PREPL: variants seen among roughly 807,000 people sequenced by gnomAD.
PREPL encodes prolyl endopeptidase-like.
Under a neutral mutation model 70.6 loss-of-function variants are expected in PREPL, and 77 were observed. The ratio of observed to expected loss-of-function variants is 1.09; its 90% confidence interval spans 0.91 to 1.32. The LOEUF (loss-of-function observed/expected upper bound fraction) is 1.32, where lower values mean the gene tolerates loss of function less well. PREPL is among the 40% of genes most tolerant of loss of function. The probability of loss-of-function intolerance (pLI) is 0.00; values close to 1 mark genes in which losing one functional copy is unlikely to be tolerated. For missense variants in PREPL, 1,002 were observed against 778.2 expected, an observed-to-expected ratio of 1.29 and a Z score of -3.42; for synonymous variants, 315 against 264.8, an observed-to-expected ratio of 1.19 and a Z score of -1.84.
chr2:44,337,358 T>C lies in PREPL; in HGVS notation c.888+993A>G, dbSNP rs374508052. ...ATGTTTTTGATACTACTTATTCAAA[T>C]CCATGATACACTTAACCTTTATGTA... On this transcript the variant is annotated intron_variant, in intron 7 of 13. Transcript: ENST00000409411. Among the ~76,000 whole-genome samples the C allele has an allele frequency of 3.9e-5, 6 of 152,298 alleles. No individual in the cohort carries two copies. The East Asian group carries it at 1.2e-3, about 29-fold the overall frequency.
chr2:44,337,470 G>C (rs967535924), intron 7 of PREPL, among the ~76,000 whole-genome samples: 2 of 152,126 alleles, frequency 1.3e-5, no homozygotes, highest in African/African-American at 4.8e-5. Flanking sequence ...GCCCGATACA[G>C]TATTGTGCAC....
At position 44,356,607 on chromosome 2, in the gene PREPL, C is replaced by T. The variant is rs991659179; in HGVS notation, c.-49+4773G>A. Among the ~76,000 whole-genome samples, 10 of 152,174 alleles carry T rather than the reference C, an allele frequency of 6.6e-5. No individual in the cohort carries two copies. In the South Asian group the frequency reaches 8.3e-4, roughly 13 times the overall value. ...GCCTCAACCATAGAGATTTTCATTA[C>T]GCAGATGTGGGGTGAGATCCAGGAA... is the stretch of plus-strand genomic sequence containing the variant. On this transcript the variant is annotated intron_variant, in intron 1 of 13. Coordinates refer to ENST00000409411, the MANE Select transcript of PREPL (RefSeq NM_001171613.2).
rs1360979814 is a variant in PREPL at position 44,319,544 on chromosome 2, T to TAGA, written c.*1809_*1811dup. The TAGA allele has an allele frequency of 6.6e-6, 1 of 152,468 alleles. No individual in the cohort carries two copies. The highest frequency in any genetic ancestry group is 1.5e-5 in the Non-Finnish European group (1 of 68,260). The allele number at this position is 152,468 out of a possible 1,614,324, so 9.4% of individuals were successfully genotyped here. On this transcript the variant is annotated 3_prime_UTR_variant, in exon 14 of 14. Coordinates refer to ENST00000409411, the MANE Select transcript of PREPL (RefSeq NM_001171613.2). Reference sequence around the variant, plus strand: ...CAATAACAGAAAATGCTTGAAAGGTTAGAAGTACATCATCAAATTATGTTT... The same window carrying TAGA: ...CAATAACAGAAAATGCTTGAAAGGTTAGAAGAAGTACATCATCAAATTATGTTT...
intron 7 of PREPL, among the ~76,000 whole-genome samples, chr2:44,337,611 A>G (rs1431633963): frequency 6.6e-6 from 1 of 152,178 alleles, no homozygotes; most frequent in Non-Finnish European, 1.5e-5. Context: ...AACTCTTTTC[A>G]TATCAAACAA....
Position 44,318,994 on chromosome 2 carries a change from G to C in PREPL, c.*2362C>G, listed in dbSNP as rs943799975. 5 of 152,200 alleles carry C rather than the reference G, an allele frequency of 3.3e-5. No individual in the cohort carries two copies. The highest frequency in any genetic ancestry group is 1.2e-4 in the African/African-American group (5 of 41,462). 9.4% of individuals were successfully genotyped at this position (152,200 alleles called of 1,614,324 possible). ...GTAGTAACTCAAGTAGACAATAATA[G>C]CTAACACTTACCGGGCACTTCTTAT... On this transcript the variant is annotated 3_prime_UTR_variant, in exon 14 of 14. Coordinates refer to ENST00000409411, the MANE Select transcript of PREPL (RefSeq NM_001171613.2).
rs1673529282 is a variant in PREPL, at chr2:44,326,657, C to A, written c.1479+55G>T. 3.2e-6 allele frequency: 5 copies of A among 1,548,844 alleles called. No individual in the cohort carries two copies. In the Admixed American group the frequency reaches 8.4e-5, roughly 26 times the overall value. On this transcript the variant is annotated intron_variant, in intron 10 of 13. Coordinates refer to ENST00000409411, the MANE Select transcript of PREPL (RefSeq NM_001171613.2). ...CCCAAAAACATTTTTCTTAGAGTAG[C>A]CTATGGCTTCACACCTCCCCCATTC... is the stretch of plus-strand genomic sequence containing the variant.
rs1672887531 is a variant in PREPL at position 44,320,921 on chromosome 2, A to G, written c.*435T>C. 1 of 446,084 alleles carries G rather than the reference A, an allele frequency of 2.2e-6. No individual in the cohort carries two copies. The highest frequency in any genetic ancestry group is 2.5e-5 in the South Asian group (1 of 39,350). The allele number at this position is 446,084 out of a possible 1,614,324, so 27.6% of individuals were successfully genotyped here. On this transcript the variant is annotated 3_prime_UTR_variant, in exon 14 of 14. Coordinates refer to ENST00000409411, the MANE Select transcript of PREPL (RefSeq NM_001171613.2). Reference sequence around the variant, plus strand: ...CCAGATTATTCAAAAACTTTAACGAATTTTAAGGGGAAGAATTTTATCTTT... The same window carrying G: ...CCAGATTATTCAAAAACTTTAACGAGTTTTAAGGGGAAGAATTTTATCTTT...
rs574404474 is a variant in PREPL at position 44,321,434 on chromosome 2, T to C, written c.1839A>G (p.Gln613=). 2 of 1,612,620 alleles carry C rather than the reference T, an allele frequency of 1.2e-6. No homozygotes were observed. The highest frequency in any genetic ancestry group is 3.3e-5 in the Admixed American group (2 of 59,952). The part of the protein sequence containing the change: ...IEDSHKKITA[Q]IKFLYEELGL... ...CAAGTTCCTCGTACAGGAATTTAAT[T>C]TGGGCTGTAATCTAAAAGAAACACA... Residue 613 remains glutamine, a synonymous_variant, in exon 14 of 14, where the codon CAA becomes CAG. Coordinates refer to ENST00000409411, the MANE Select transcript of PREPL (RefSeq NM_001171613.2).
chr2:44,322,586 C>G (rs1673083813), intron 12 of PREPL, 145 bp downstream of exon 12: 1 of 1,064,426 alleles, frequency 9.4e-7, no homozygotes, highest in Non-Finnish European at 1.4e-6. Context: ...TACACTTTAA[C>G]TGGGGAGTCA....
chr2:44,338,110 T>C (rs1558501022), intron 7 of PREPL, among the ~76,000 whole-genome samples: 1 of 152,178 alleles, frequency 6.6e-6, no homozygotes, highest in Non-Finnish European at 1.5e-5. Context: ...CACTCAACTC[T>C]ACTTGTGAAG....
At chr2:44,330,246 TAA>T (rs142098287) in intron 8 of PREPL, among the ~76,000 whole-genome samples, 8,579 of 152,216 alleles carry the variant, frequency 0.056, 272 homozygotes, top group East Asian at 0.1. Context: ...AAGGAAGAGG[TAA>T]AACAGTAGCT....
At chr2:44,336,134 C>CAACA (rs1415157234) in intron 7 of PREPL, among the ~76,000 whole-genome samples, 1 of 152,146 alleles carries the variant, frequency 6.6e-6, no homozygotes, top group Non-Finnish European at 1.5e-5. Context: ...CTGTGGAAAG[C>CAACA]AGTTTGGGAA....
chr2:44,322,006 G>A, intron 12 of PREPL, 106 bp from the exon 13 acceptor site: 2 of 1,203,716 alleles, frequency 1.7e-6, no homozygotes, highest in South Asian at 1.7e-5. Flanking sequence ...TCAAATAATA[G>A]TAAAGGAATA....
chr2:44,353,731 T>G (rs1676703416), intron 1 of PREPL, among the ~76,000 whole-genome samples: 1 of 152,120 alleles, frequency 6.6e-6, no homozygotes, highest in African/African-American at 2.4e-5. Flanking sequence ...TCAGTTGATT[T>G]TCAGAAAGGA....
At chr2:44,357,507 G>C (rs1249936714) in intron 1 of PREPL, among the ~76,000 whole-genome samples, 2 of 152,142 alleles carry the variant, frequency 1.3e-5, no homozygotes, top group Non-Finnish European at 2.9e-5. Context: ...TGTGACAGCA[G>C]GATTACTTTA....
intron 2 of PREPL, among the ~76,000 whole-genome samples, chr2:44,346,030 T>C (rs777243719): frequency 7.9e-5 from 12 of 152,062 alleles, no homozygotes; most frequent in Non-Finnish European, 1.6e-4. Context: ...CCAGAATTAA[T>C]ATATTACAGT....
chr2:44,326,834 G>A lies in PREPL; in HGVS notation c.1357C>T (p.Leu453Phe), dbSNP rs368032108. 7 of 1,614,032 alleles carry A rather than the reference G, an allele frequency of 4.3e-6. No individual in the cohort carries two copies. In the African/African-American group the frequency reaches 8.0e-5, roughly 18 times the overall value. The change falls in exon 10 of 14, where the codon CTT (leucine) becomes TTT (phenylalanine). Residue 453 changes from leucine (L) to phenylalanine (F), a missense_variant. Leu to Phe is a conservative substitution (Grantham distance 22). Transcript: ENST00000409411. ...LADLEACIKT[L>F]HGQGFSQPSL... is the part of the protein sequence containing the mutation. ...GGCTGAGAAAAGCCTTGGCCATGAA[G>A]CGTCTTAATGCAAGCCTCTAAATCA... is the stretch of plus-strand genomic sequence containing the variant.
At chr2:44,351,794 G>A (rs781122365) in intron 1 of PREPL, among the ~76,000 whole-genome samples, 1 of 152,106 alleles carries the variant, frequency 6.6e-6, no homozygotes, top group African/African-American at 2.4e-5. Context: ...CTGCTTCTGC[G>A]CTTGCCTCCT....
intron 13 of PREPL, 32 bp from the exon 14 acceptor site, chr2:44,321,477 A>T: frequency 3.8e-6 from 6 of 1,596,870 alleles, no homozygotes; most frequent in African/African-American, 1.3e-5. Flanking sequence ...AATTAAATAG[A>T]AGGCCTTTGT....
Sources: allele counts gnomAD v4.1 joint callset (sites outside exome capture counted in the v4.1 genomes callset), GRCh38; gene constraint gnomAD v4.1.1; transcripts MANE v1.5; gene names NCBI Gene and HGNC (gene_info 2026-07-23, HGNC 2026-07-21).